LRRCC1: variants seen among roughly 807,000 people sequenced by gnomAD.
The protein encoded by LRRCC1 is leucine-rich repeat and coiled-coil domain-containing protein 1.
LRRCC1 carries 115 observed loss-of-function variants against 126.0 expected under a neutral mutation model. The observed-to-expected ratio is 0.91, with a 90% confidence interval of 0.78 to 1.07. LRRCC1 has a LOEUF of 1.07. LRRCC1 is among the 50% of genes least tolerant of loss of function. LRRCC1 has a pLI of 0.00. For missense variants in LRRCC1, 1,172 were observed against 1,175.7 expected, an observed-to-expected ratio of 1.00 and a Z score of 0.05; for synonymous variants, 400 against 393.4, an observed-to-expected ratio of 1.02 and a Z score of -0.20.
chr8:85,124,755 C>T, intron 7 of LRRCC1, 37 bp from the exon 8 acceptor site: 2 of 1,391,566 alleles, frequency 1.4e-6, no homozygotes, highest in East Asian at 5.0e-5. Context: ...GTGAACACTA[C>T]TTTTTTGAGT....
chr8:85,114,750 A>G (rs1002947387), intron 4 of LRRCC1, among the ~76,000 whole-genome samples: 1 of 152,148 alleles, frequency 6.6e-6, no homozygotes, highest in African/African-American at 2.4e-5. Flanking sequence ...TATATTAACC[A>G]TATTAAAAAA....
rs568499317 is a variant in LRRCC1, at chr8:85,136,158, C to T, written c.2329+195C>T. On this transcript the variant is annotated intron_variant, in intron 14 of 18. Coordinates refer to ENST00000360375, the MANE Select transcript of LRRCC1 (RefSeq NM_033402.5). ...TTAGGAAATGAGAAATAGTTTATTA[C>T]ACCAATGAAGAAGTTATGGCTCTGG... Among the ~76,000 whole-genome samples the T allele has an allele frequency of 5.9e-5, 9 of 152,308 alleles. No individual in the cohort carries two copies. The East Asian group carries it at 1.5e-3, about 26-fold the overall frequency.
At chr8:85,120,512 A>G (rs1227892904) in intron 6 of LRRCC1, among the ~76,000 whole-genome samples, 1 of 152,224 alleles carries the variant, frequency 6.6e-6, no homozygotes, top group Non-Finnish European at 1.5e-5. Context: ...CTCTTTATCT[A>G]ACAGCCTTAT....
At chr8:85,124,730 T>C in intron 7 of LRRCC1, 62 bp from the exon 8 acceptor site, 1 of 1,080,472 alleles carries the variant, frequency 9.3e-7, no homozygotes, top group South Asian at 2.2e-5. Flanking sequence ...AAATGTTAAT[T>C]TAGAGAAAAG....
intron 6 of LRRCC1, among the ~76,000 whole-genome samples, chr8:85,120,555 C>T (rs559420056): frequency 6.6e-6 from 1 of 152,174 alleles, no homozygotes; most frequent in Non-Finnish European, 1.5e-5. Context: ...ATGTGGTTCA[C>T]CCATTTGAAG....
intron 15 of LRRCC1, 144 bp from the exon 16 acceptor site, chr8:85,137,891 A>T (rs1810982620): frequency 1.8e-6 from 1 of 547,688 alleles, no homozygotes; most frequent in African/African-American, 1.9e-5. Flanking sequence ...ACCCAATGTC[A>T]ATTAAGGGTT....
intron 12 of LRRCC1, among the ~76,000 whole-genome samples, chr8:85,133,297 C>T (rs749637799): frequency 1.2e-4 from 19 of 152,134 alleles, no homozygotes; most frequent in Non-Finnish European, 2.2e-4. Flanking sequence ...CACTGCATTT[C>T]TTGGTTTTCT....
intron 6 of LRRCC1, among the ~76,000 whole-genome samples, chr8:85,122,856 T>C (rs2135948399): frequency 6.6e-6 from 1 of 152,336 alleles, no homozygotes; most frequent in Non-Finnish European, 1.5e-5. Context: ...GTTGACATTT[T>C]TGTTTTAGTA....
rs771737238 is a variant in LRRCC1, at chr8:85,129,324, T to G, written c.1571T>G (p.Leu524Arg). ...GATCACCTTAAACACTTAAGAACCC[T>G]CGAAAAAACATTAGAAAAAATGGAG... ...QEDHLKHLRT[L>R]EKTLEKMERQ... is the part of the protein sequence containing the mutation. The change falls in exon 10 of 19, where the codon CTC becomes CGC. Residue 524 changes from leucine (L) to arginine (R), a missense_variant. By Grantham distance (102) the Leu-to-Arg change is moderately radical. Coordinates refer to ENST00000360375, the MANE Select transcript of LRRCC1 (RefSeq NM_033402.5). The G allele has an allele frequency of 6.2e-6, 10 of 1,611,988 alleles. No individual in the cohort carries two copies. The highest frequency in any genetic ancestry group is 1.3e-5 in the African/African-American group (1 of 74,846).
At chr8:85,141,346 T>G (rs779638487) in intron 17 of LRRCC1, 36 bp from the exon 18 acceptor site, 3 of 1,573,144 alleles carry the variant, frequency 1.9e-6, no homozygotes, top group Non-Finnish European at 2.6e-6. Context: ...ACACCACATA[T>G]ACACATATAT....
In LRRCC1 at chr8:85,144,031, C is replaced by T. The variant is rs139275664; in HGVS notation, c.2977-1358C>T. Among the ~76,000 whole-genome samples, 962 of 152,082 alleles carry T rather than the reference C, an allele frequency of 6.3e-3. 12 individuals are homozygous for T. The highest frequency in any genetic ancestry group is 0.022 in the African/African-American group (894 of 41,490). On this transcript the variant is annotated intron_variant, in intron 18 of 18. Coordinates refer to ENST00000360375, the MANE Select transcript of LRRCC1 (RefSeq NM_033402.5). ...ATTGGTAACATTATCAGAAGTGTTACGATATCGTAGGAAAGACAATTTCAA... is the reference window on the plus strand; with the variant it reads ...ATTGGTAACATTATCAGAAGTGTTATGATATCGTAGGAAAGACAATTTCAA...
At chr8:85,118,608 T>A (rs1809290586) in intron 6 of LRRCC1, among the ~76,000 whole-genome samples, 1 of 152,144 alleles carries the variant, frequency 6.6e-6, no homozygotes, top group East Asian at 1.9e-4. Context: ...GATTTTAATC[T>A]GCATTTCACT....
chr8:85,127,144 G>A (rs1338229405), intron 9 of LRRCC1, among the ~76,000 whole-genome samples: 1 of 152,134 alleles, frequency 6.6e-6, no homozygotes, highest in African/African-American at 2.4e-5. Context: ...TAAAGGGCAG[G>A]CATTGGCAGC....
At chr8:85,115,319 A>G (rs1353612808) in intron 5 of LRRCC1, 44 bp downstream of exon 5, 1 of 1,564,242 alleles carries the variant, frequency 6.4e-7, no homozygotes, top group South Asian at 1.2e-5. Flanking sequence ...AAATACCTTC[A>G]AATTTCAATA....
At chr8:85,142,365 AT>A (rs1179713071) in intron 18 of LRRCC1, among the ~76,000 whole-genome samples, 2 of 152,100 alleles carry the variant, frequency 1.3e-5, no homozygotes, top group African/African-American at 4.8e-5. Flanking sequence ...AGACTCAGGT[AT>A]TTTTTTAATT....
rs776962775 is a variant in LRRCC1, at chr8:85,109,665, G to A, written c.175G>A (p.Glu59Lys). The A allele has an allele frequency of 3.1e-6, 5 of 1,610,892 alleles. No individual in the cohort carries two copies. The highest frequency in any genetic ancestry group is 1.3e-5 in the African/African-American group (1 of 74,782). ...TCATTGCAATAACATCTCCAAGATC[G>A]AAGCCATTGATCATATTTGGAATTT... is the stretch of plus-strand genomic sequence containing the variant. ...NLHCNNISKI[E>K]AIDHIWNLQH... The change falls in exon 2 of 19, where the codon GAA becomes AAA. Residue 59 changes from glutamate (E) to lysine (K), a missense_variant. Glu to Lys is a moderately conservative substitution (Grantham distance 56). Transcript: ENST00000360375.
intron 6 of LRRCC1, among the ~76,000 whole-genome samples, chr8:85,120,576 A>G (rs2135942545): frequency 1.3e-5 from 2 of 152,326 alleles, no homozygotes; most frequent in South Asian, 4.1e-4. Flanking sequence ...TGTGCAATTC[A>G]GTGGTACCTA....
intron 12 of LRRCC1, among the ~76,000 whole-genome samples, chr8:85,132,375 C>CTTTTTTTTTTTTTTTTTTT (rs551423793): frequency 9.1e-6 from 1 of 109,930 alleles, no homozygotes; most frequent in Non-Finnish European, 1.8e-5. Flanking sequence ...TGAGTACTTT[C>CTTTTTTTTTTTTTTTTTTT]TTTTTTTTTT....
intron 8 of LRRCC1, among the ~76,000 whole-genome samples, chr8:85,126,023 C>T (rs1045243312): frequency 1.3e-5 from 2 of 151,972 alleles, no homozygotes; most frequent in African/African-American, 4.8e-5. Flanking sequence ...CTGATTCAAC[C>T]CCCGCCCCAA....
Sources: allele counts gnomAD v4.1 joint callset (sites outside exome capture counted in the v4.1 genomes callset), GRCh38; gene constraint gnomAD v4.1.1; transcripts MANE v1.5; gene names NCBI Gene and HGNC (gene_info 2026-07-23, HGNC 2026-07-21).